SH3PXD2A: variants seen among roughly 807,000 people sequenced by gnomAD.
SH3PXD2A encodes the protein SH3 and PX domain-containing protein 2A.
In SH3PXD2A, 32 loss-of-function variants were observed where a neutral mutation model predicts 115.2. The observed-to-expected ratio is 0.28, with a 90% confidence interval of 0.21 to 0.37. The LOEUF (loss-of-function observed/expected upper bound fraction) is 0.37, where lower values mean the gene tolerates loss of function less well. Ranked by LOEUF, SH3PXD2A falls within the 10% of genes least tolerant of loss-of-function variation. SH3PXD2A has a pLI of 1.00. For missense variants in SH3PXD2A, 1,328 were observed against 1,498.7 expected, an observed-to-expected ratio of 0.89 and a Z score of 1.88; for synonymous variants, 610 against 629.1, an observed-to-expected ratio of 0.97 and a Z score of 0.45.
intron 4 of SH3PXD2A, among the ~76,000 whole-genome samples, chr10:103,733,131 C>T (rs1189709098): frequency 2.6e-5 from 4 of 152,056 alleles, no homozygotes; most frequent in Non-Finnish European, 5.9e-5. Flanking sequence ...AGCCCATGGC[C>T]CCATTCCTTG....
chr10:103,617,139 T>C (rs1445833251), intron 11 of SH3PXD2A, 58 bp downstream of exon 11: 1 of 1,268,132 alleles, frequency 7.9e-7, no homozygotes, highest in African/African-American at 1.5e-5. Context: ...CACTTTGCAC[T>C]CTGCCCAGGG....
chr10:103,621,980 G>A (rs1186439940), intron 10 of SH3PXD2A, among the ~76,000 whole-genome samples: 1 of 152,218 alleles, frequency 6.6e-6, no homozygotes, highest in African/African-American at 2.4e-5. Flanking sequence ...GGCAGGAGGA[G>A]CGTGAATGTG....
At position 103,730,866 on chromosome 10, in the gene SH3PXD2A, C is replaced by T. The variant is rs141095256; in HGVS notation, c.306+4866G>A. On this transcript the variant is annotated intron_variant, in intron 4 of 14. Transcript: ENST00000369774. ...GCACAGAGTCGGGGTGGGCGCAGTC[C>T]TCTGGGGGCAGAATGGCAGGAGTGA... 6.7e-3 allele frequency among the ~76,000 whole-genome samples: 1,020 copies of T among 152,270 alleles called. 16 individuals carry two copies. Among genetic ancestry groups the T allele is most frequent in the Non-Finnish European group, 6.7e-3 (458 of 68,032 alleles).
chr10:103,749,081 G>A (rs916424372), intron 3 of SH3PXD2A, among the ~76,000 whole-genome samples: 1 of 152,044 alleles, frequency 6.6e-6, no homozygotes, highest in Non-Finnish European at 1.5e-5. Flanking sequence ...AGTAGAGATG[G>A]GGTTTCACTA....
chr10:103,725,289 C>A (rs1406486711), intron 4 of SH3PXD2A, among the ~76,000 whole-genome samples: 1 of 152,016 alleles, frequency 6.6e-6, no homozygotes, highest in Non-Finnish European at 1.5e-5. Flanking sequence ...ACTAGCAGGG[C>A]CTTGTTTTAG....
chr10:103,749,420 A>C (rs1349678045), intron 3 of SH3PXD2A, among the ~76,000 whole-genome samples: 1 of 152,232 alleles, frequency 6.6e-6, no homozygotes, highest in Non-Finnish European at 1.5e-5. Context: ...CCGACCTGGC[A>C]GCCTGGTTCT....
intron 8 of SH3PXD2A, among the ~76,000 whole-genome samples, chr10:103,633,072 C>T (rs1405004181): frequency 1.1e-4 from 17 of 152,216 alleles, no homozygotes; most frequent in Non-Finnish European, 2.4e-4. Context: ...CACACAGCCC[C>T]ACTCTGCACA....
At chr10:103,791,683 T>A (rs1181206332) in intron 2 of SH3PXD2A, among the ~76,000 whole-genome samples, 2 of 151,986 alleles carry the variant, frequency 1.3e-5, no homozygotes. Context: ...TCTCTCCATC[T>A]GCTTGGAACC....
chr10:103,739,227 T>G (rs1423036854), intron 3 of SH3PXD2A, among the ~76,000 whole-genome samples: 1 of 152,208 alleles, frequency 6.6e-6, no homozygotes, highest in East Asian at 1.9e-4. Context: ...CCCTCCAGTC[T>G]GCACTCTGAG....
At chr10:103,817,087 C>A (rs945509975) in intron 1 of SH3PXD2A, among the ~76,000 whole-genome samples, 58 of 147,452 alleles carry the variant, frequency 3.9e-4, no homozygotes, top group Non-Finnish European at 6.6e-4. Flanking sequence ...TGACCTCAGA[C>A]AATCTGCCCA....
At chr10:103,630,686 T>TGGGG (rs1027670317) in intron 8 of SH3PXD2A, among the ~76,000 whole-genome samples, 2 of 138,670 alleles carry the variant, frequency 1.4e-5, no homozygotes, top group African/African-American at 5.5e-5. Context: ...GAGGCTAAGG[T>TGGGG]GGGTCACTTG....
At chr10:103,763,095 C>T (rs1283796763) in intron 3 of SH3PXD2A, among the ~76,000 whole-genome samples, 4 of 152,148 alleles carry the variant, frequency 2.6e-5, no homozygotes, top group Admixed American at 6.5e-5. Context: ...AAGACTGTGT[C>T]CTAGGTCCCA....
At chr10:103,670,550 A>T (rs960218378) in intron 6 of SH3PXD2A, among the ~76,000 whole-genome samples, 1 of 152,192 alleles carries the variant, frequency 6.6e-6, no homozygotes, top group Non-Finnish European at 1.5e-5. Context: ...CAAGGACAAG[A>T]ACTAGACAGT....
intron 6 of SH3PXD2A, among the ~76,000 whole-genome samples, chr10:103,682,587 C>G (rs532748951): frequency 3.9e-5 from 6 of 152,294 alleles, no homozygotes; most frequent in Non-Finnish European, 5.9e-5. Context: ...GAAATCCCAT[C>G]TCTACTAAAA....
chr10:103,841,308 A>G (rs1481807470), intron 1 of SH3PXD2A, among the ~76,000 whole-genome samples: 1 of 152,178 alleles, frequency 6.6e-6, no homozygotes, highest in Non-Finnish European at 1.5e-5. Context: ...CCTGGCTCCC[A>G]GCTGGAGCAC....
chr10:103,656,917 C>A lies in SH3PXD2A; in HGVS notation c.604+4066G>T, dbSNP rs78860231. Among the ~76,000 whole-genome samples, 827 of 151,760 alleles carry A rather than the reference C, an allele frequency of 5.4e-3. 3 individuals carry two copies. The highest frequency in any genetic ancestry group is 9.0e-3 in the Non-Finnish European group (609 of 67,972). ...CTGACTTTTGGTTCCCAGTTCCAGC[C>A]TCCTAAGGCTGATTTACTTCTCACC... On this transcript the variant is annotated intron_variant, in intron 8 of 14. Coordinates refer to ENST00000369774, the MANE Select transcript of SH3PXD2A (RefSeq NM_001394015.1).
In SH3PXD2A at chr10:103,601,674, A is replaced by C; in HGVS notation, c.*142T>G. 9 of 516,560 alleles carry C rather than the reference A, an allele frequency of 1.7e-5. No individual in the cohort carries two copies. Among genetic ancestry groups the C allele is most frequent in the African/African-American group, 1.9e-5 (1 of 52,060 alleles). The allele number at this position is 516,560 out of a possible 1,614,324, so 32.0% of individuals were successfully genotyped here. A position where few individuals can be genotyped will look rare whatever the true frequency, so the allele number is the denominator to read the frequency against. On this transcript the variant is annotated 3_prime_UTR_variant, in exon 15 of 15. Transcript: ENST00000369774. ...ATGGCTTGGACAGGGGGCATCTTTG[A>C]GGTCACCCATTCTGCAGTGTTGAAT...
intron 3 of SH3PXD2A, chr10:103,755,157 G>A (rs562035917): frequency 6.6e-6 from 1 of 152,330 alleles, no homozygotes; most frequent in Non-Finnish European, 1.5e-5. Flanking sequence ...GCACTCCTGA[G>A]AAGAGACCTC....
intron 6 of SH3PXD2A, 99 bp from the exon 7 acceptor site, chr10:103,668,751 C>A: frequency 2.7e-6 from 3 of 1,094,104 alleles, no homozygotes; most frequent in Non-Finnish European, 2.7e-6. Flanking sequence ...CTGCAGGCGC[C>A]GCGCTCGGCC....
Sources: gnomAD v4.1 joint callset for allele counts (sites outside exome capture counted in the v4.1 genomes callset) on GRCh38, gnomAD v4.1.1 for gene constraint, MANE v1.5 for transcripts, NCBI Gene and HGNC (gene_info 2026-07-23, HGNC 2026-07-21) for gene names.